The following RSF1 variants were observed in gnomAD, a reference collection of about 807,000 sequenced individuals.
The protein encoded by RSF1 is remodeling and spacing factor 1.
In RSF1, 13 loss-of-function variants were observed where a neutral mutation model predicts 145.2. The ratio of observed to expected loss-of-function variants is 0.09; its 90% CI spans 0.06 to 0.14. RSF1 has a LOEUF of 0.14. Ranked by LOEUF, RSF1 falls within the 10% of genes least tolerant of loss-of-function variation. The probability of loss-of-function intolerance (pLI) is 1.00; values close to 1 mark genes in which losing one functional copy is unlikely to be tolerated. For missense variants in RSF1, 1,517 were observed against 1,718.2 expected (o/e 0.88, Z 2.07); for synonymous variants, 577 against 592.6 (o/e 0.97, Z 0.38).
At chr11:77,816,071 G>A (rs1019120713) in intron 1 of RSF1, among the ~76,000 whole-genome samples, 2 of 152,152 alleles carry the variant, frequency 1.3e-5, no homozygotes. Flanking sequence ...GAAAATGGTG[G>A]AGATGAAATC....
At chr11:77,864,733 C>A in the RSF1 span, among the ~76,000 whole-genome samples, 1 of 152,152 alleles carries the variant, frequency 6.6e-6, no homozygotes, top group South Asian at 2.1e-4. Flanking sequence ...AATCTCAACA[C>A]GTTGGGAGAC....
In RSF1 at chr11:77,683,824, A is replaced by G; in HGVS notation, c.2956-5T>C. On this transcript the variant is annotated splice_polypyrimidine_tract_variant and splice_region_variant and intron_variant, in intron 10 of 15. Transcript: ENST00000308488. Reference sequence around the variant, plus strand: ...ATCTTCAGAAAAGTCTGGCTCCTTAAAAAATATGATAATAAGCATAGAGGT... The same window carrying G: ...ATCTTCAGAAAAGTCTGGCTCCTTAGAAAATATGATAATAAGCATAGAGGT... 1 of 1,597,762 alleles carries G rather than the reference A, an allele frequency of 6.3e-7. No homozygotes were observed. Among genetic ancestry groups the G allele is most frequent in the South Asian group, 1.1e-5 (1 of 90,644 alleles).
chr11:77,743,600 G>T (rs1009061749), intron 3 of RSF1, among the ~76,000 whole-genome samples: 1 of 152,014 alleles, frequency 6.6e-6, no homozygotes, highest in African/African-American at 2.4e-5. Flanking sequence ...TCATTTATTA[G>T]TTCTAATAGT....
intron 5 of RSF1, among the ~76,000 whole-genome samples, chr11:77,708,447 C>CA (rs1320948710): frequency 2.0e-5 from 3 of 151,988 alleles, no homozygotes; most frequent in Non-Finnish European, 2.9e-5. Flanking sequence ...TCCCCCAAAT[C>CA]AAAAAAAGCC....
chr11:77,696,661 G>GT (rs1960285252), intron 7 of RSF1, among the ~76,000 whole-genome samples: 1 of 152,180 alleles, frequency 6.6e-6, no homozygotes, highest in South Asian at 2.1e-4. Context: ...TTAGAAAATG[G>GT]TAAGGAGAGA....
At chr11:77,744,405 T>C (rs920520315) in intron 3 of RSF1, among the ~76,000 whole-genome samples, 1 of 152,080 alleles carries the variant, frequency 6.6e-6, no homozygotes, top group Non-Finnish European at 1.5e-5. Flanking sequence ...GCTCAAGCAA[T>C]CCTCTGCCTC....
chr11:77,821,075 A>C, upstream of RSF1: 4 of 461,472 alleles, frequency 8.7e-6, no homozygotes, highest in East Asian at 3.5e-5. Flanking sequence ...CTCGAGAACA[A>C]TGGCCAATGG....
intron 1 of RSF1, among the ~76,000 whole-genome samples, chr11:77,787,564 T>C (rs1948469479): frequency 6.6e-6 from 1 of 152,074 alleles, no homozygotes; most frequent in South Asian, 2.1e-4. Flanking sequence ...CTAAAATACG[T>C]ACTATCTGGG....
chr11:77,782,012 A>G (rs971846490), intron 1 of RSF1, among the ~76,000 whole-genome samples: 1 of 152,124 alleles, frequency 6.6e-6, no homozygotes, highest in African/African-American at 2.4e-5. Context: ...TCATTTTCTG[A>G]TATTAATATA....
chr11:77,692,969 T>C (rs932725293), intron 8 of RSF1, among the ~76,000 whole-genome samples: 5 of 152,278 alleles, frequency 3.3e-5, no homozygotes, highest in Middle Eastern at 3.4e-3. Context: ...AGCCACTGTG[T>C]CTGGCCTAAT....
At position 77,661,094 on chromosome 11, in the gene RSF1, T is replaced by C. The variant is rs1181868384; in HGVS notation, c.*5823A>G. 6.6e-6 allele frequency: 1 copy of C among 152,226 alleles called. No individual in the cohort carries two copies. The highest frequency in any genetic ancestry group is 1.9e-4 in the East Asian group (1 of 5,208). 9.4% of individuals were successfully genotyped at this position (152,226 alleles called of 1,614,324 possible). A position where few individuals can be genotyped will look rare whatever the true frequency, so the allele number is the denominator to read the frequency against. On this transcript the variant is annotated 3_prime_UTR_variant, in exon 16 of 16. Transcript: ENST00000308488. ...TTGCTGCCACGCTTCAGCAGACAAC[T>C]ATTCCTGTGGAATTAAGTCCACTGA...
intron 1 of RSF1, among the ~76,000 whole-genome samples, chr11:77,796,749 T>C (rs1162847438): frequency 6.6e-6 from 1 of 152,196 alleles, no homozygotes; most frequent in Non-Finnish European, 1.5e-5. Context: ...TGATTATACA[T>C]TTAGAAAATC....
chr11:77,857,137 C>T, the RSF1 span, among the ~76,000 whole-genome samples: 3 of 152,274 alleles, frequency 2.0e-5, no homozygotes, highest in Admixed American at 1.3e-4. Flanking sequence ...ACCTTTTCTG[C>T]CTTCAAGAAG....
intron 15 of RSF1, among the ~76,000 whole-genome samples, chr11:77,670,092 C>T (rs111907225): frequency 0.039 from 6,000 of 152,260 alleles, 362 homozygotes; most frequent in African/African-American, 0.13. Flanking sequence ...TGCCACTGCA[C>T]GCCAGCCAGG....
intron 1 of RSF1, among the ~76,000 whole-genome samples, chr11:77,782,709 G>A (rs537782935): frequency 1.3e-5 from 2 of 152,144 alleles, no homozygotes; most frequent in African/African-American, 2.4e-5. Context: ...ACAACAACAT[G>A]AAATTCAAAT....
chr11:77,694,242 G>A (rs1960230647), intron 7 of RSF1, among the ~76,000 whole-genome samples: 1 of 152,242 alleles, frequency 6.6e-6, no homozygotes, highest in East Asian at 1.9e-4. Context: ...TAAAGCTCAA[G>A]TATCAAAGAC....
At chr11:77,863,762 G>A in the RSF1 span, among the ~76,000 whole-genome samples, 1 of 152,016 alleles carries the variant, frequency 6.6e-6, no homozygotes, top group Non-Finnish European at 1.5e-5. Context: ...CGACCCTCCT[G>A]CCTCAGCCCC....
At chr11:77,869,884 C>T in the RSF1 span, 2 of 1,469,780 alleles carry the variant, frequency 1.4e-6, no homozygotes, top group Non-Finnish European at 1.9e-6. Flanking sequence ...GTCTTACAGA[C>T]TTGTCCTTCT....
At chr11:77,783,881 C>G (rs1000381323) in intron 1 of RSF1, among the ~76,000 whole-genome samples, 47 of 152,142 alleles carry the variant, frequency 3.1e-4, no homozygotes, top group African/African-American at 1.1e-3. Flanking sequence ...TGTATAGTTT[C>G]CAACAAAACG....
Sources: allele counts gnomAD v4.1 joint callset (sites outside exome capture counted in the v4.1 genomes callset), GRCh38; gene constraint gnomAD v4.1.1; transcripts MANE v1.5; gene names NCBI Gene and HGNC (gene_info 2026-07-23, HGNC 2026-07-21).